The following ANKRD28 variants were observed in gnomAD, a reference collection of about 807,000 sequenced individuals.
ANKRD28 encodes the protein serine/threonine-protein phosphatase 6 regulatory ankyrin repeat subunit A.
A neutral mutation model predicts 126.5 loss-of-function variants in ANKRD28; 44 were observed. The ratio of observed to expected loss-of-function variants is 0.35; its 90% CI spans 0.27 to 0.45. The LOEUF (loss-of-function observed/expected upper bound fraction) is 0.45, where lower values mean the gene tolerates loss of function less well. ANKRD28 is among the 20% of genes least tolerant of loss of function. The pLI is 1.00. For synonymous variants in ANKRD28, 442 were observed against 468.5 expected (o/e 0.94, Z 0.73); for missense variants, 1,110 against 1,316.6 (o/e 0.84, Z 2.43).
intron 2 of ANKRD28, chr3:15,781,596 T>C (rs1353766111): frequency 6.6e-6 from 1 of 152,122 alleles, no homozygotes; most frequent in Non-Finnish European, 1.5e-5. Flanking sequence ...ATTGTAATCA[T>C]CAAATGCAAT....
chr3:15,841,672 A>G (rs2061426557), intron 1 of ANKRD28, among the ~76,000 whole-genome samples: 2 of 152,248 alleles, frequency 1.3e-5, no homozygotes, highest in South Asian at 4.1e-4. Context: ...GCAAACAGGT[A>G]CATGAAAAGG....
chr3:15,714,547 A>AACC lies in ANKRD28; in HGVS notation c.1075+30_1075+31insGGT, dbSNP rs200662705. The AACC allele has an allele frequency of 6.1e-6, 9 of 1,463,608 alleles. No individual in the cohort carries two copies. The African/African-American group carries it at 1.2e-4, about 19-fold the overall frequency. 90.7% of individuals were successfully genotyped at this position (1,463,608 alleles called of 1,614,324 possible). A position where few individuals can be genotyped will look rare whatever the true frequency, so the allele number is the denominator to read the frequency against. ...CTACATTTAAGAAAAAAAAAAAAAA[A>AACC]CCCCAAAAAAAAAACAGAAATACTT... On this transcript the variant is annotated intron_variant, in intron 9 of 27. Coordinates refer to ENST00000683139, the MANE Select transcript of ANKRD28 (RefSeq NM_001349278.2).
At chr3:15,768,655 G>A (rs1466116878) in intron 2 of ANKRD28, among the ~76,000 whole-genome samples, 1 of 151,930 alleles carries the variant, frequency 6.6e-6, no homozygotes, top group Admixed American at 6.6e-5. Context: ...TTCTCTGGCG[G>A]GGGGCGGCGG....
chr3:15,695,594 G>T (rs1037565081), intron 15 of ANKRD28, among the ~76,000 whole-genome samples: 6 of 152,066 alleles, frequency 3.9e-5, no homozygotes, highest in Non-Finnish European at 5.9e-5. Context: ...TTAACCTAAA[G>T]TATCTGTTAC....
At chr3:15,740,242 G>GGACAT (rs1443340951) in intron 4 of ANKRD28, among the ~76,000 whole-genome samples, 2 of 152,168 alleles carry the variant, frequency 1.3e-5, no homozygotes, top group Non-Finnish European at 2.9e-5. Context: ...GACTGAAAAC[G>GGACAT]GACATGAGGG....
At chr3:15,743,368 AAACAAAC>A (rs1275571075) in intron 4 of ANKRD28, among the ~76,000 whole-genome samples, 2 of 151,092 alleles carry the variant, frequency 1.3e-5, no homozygotes, top group African/African-American at 4.9e-5. Flanking sequence ...ACAAACAAAC[AAACAAAC>A]AAAAAAAAAC....
At chr3:15,762,131 A>C (rs2058489983) in intron 3 of ANKRD28, among the ~76,000 whole-genome samples, 1 of 144,630 alleles carries the variant, frequency 6.9e-6, no homozygotes. Context: ...GGTTGCAGTA[A>C]ACCGAGAGAT....
intron 14 of ANKRD28, among the ~76,000 whole-genome samples, chr3:15,701,940 TA>T (rs1177159677): frequency 3.3e-5 from 5 of 151,880 alleles, no homozygotes; most frequent in African/African-American, 4.8e-5. Context: ...CAAGGGCATT[TA>T]AAAAAAATCT....
chr3:15,707,617 C>T (rs1010219767), intron 14 of ANKRD28, among the ~76,000 whole-genome samples: 1 of 152,132 alleles, frequency 6.6e-6, no homozygotes, highest in Non-Finnish European at 1.5e-5. Context: ...CGGCTGTAGC[C>T]TCTAAGAAGT....
chr3:15,770,221 C>T (rs2058932778), intron 2 of ANKRD28, among the ~76,000 whole-genome samples: 1 of 151,946 alleles, frequency 6.6e-6, no homozygotes, highest in Admixed American at 6.5e-5. Context: ...AAACTAGTTC[C>T]AAGATGCATG....
chr3:15,705,751 C>A (rs2071266228), intron 14 of ANKRD28, among the ~76,000 whole-genome samples: 1 of 152,136 alleles, frequency 6.6e-6, no homozygotes, highest in Non-Finnish European at 1.5e-5. Flanking sequence ...CCTGTAATCC[C>A]AGCATTTTGG....
chr3:15,825,262 C>T lies in ANKRD28; in HGVS notation c.28-29956G>A, dbSNP rs558330832. ...AACTGGGAGTAAATTCATGGGCAGA[C>T]GATAGGCATGAGGTTGGAAGCAGCT... On this transcript the variant is annotated intron_variant, in intron 1 of 27. Transcript: ENST00000399451. Among the ~76,000 whole-genome samples, 17 of 152,224 alleles carry T rather than the reference C, an allele frequency of 1.1e-4. No individual in the cohort carries two copies. In the East Asian group the frequency reaches 2.1e-3, roughly 19 times the overall value.
intron 2 of ANKRD28, among the ~76,000 whole-genome samples, chr3:15,775,686 C>T (rs1405870854): frequency 6.6e-6 from 1 of 152,170 alleles, no homozygotes; most frequent in Non-Finnish European, 1.5e-5. Context: ...TACAGATGAA[C>T]AGCCAGATGA....
upstream of ANKRD28, among the ~76,000 whole-genome samples, chr3:15,802,969 A>AG (rs1318104954): frequency 4.0e-5 from 6 of 151,822 alleles, no homozygotes; most frequent in East Asian, 1.2e-3. Flanking sequence ...ATTCTCGAAT[A>AG]AAAAAAAATG....
intron 4 of ANKRD28, among the ~76,000 whole-genome samples, chr3:15,747,041 A>G (rs932218205): frequency 2.0e-5 from 3 of 152,018 alleles, no homozygotes; most frequent in African/African-American, 7.2e-5. Flanking sequence ...ATCATTTGTA[A>G]TATCTCCCAT....
chr3:15,778,711 C>CTAGA (rs2059409307), intron 2 of ANKRD28, among the ~76,000 whole-genome samples: 2 of 152,164 alleles, frequency 1.3e-5, no homozygotes, highest in South Asian at 4.1e-4. Context: ...TCTCACTTAC[C>CTAGA]TAGAGTCAGC....
chr3:15,801,341 G>A (rs573957068), upstream of ANKRD28, among the ~76,000 whole-genome samples: 1 of 152,020 alleles, frequency 6.6e-6, no homozygotes, highest in Admixed American at 6.6e-5. This position sits in a 1 kb window ranked among gnomAD's most constrained non-coding sequence, Gnocchi z 4.9. Context: ...TGACACAAAC[G>A]ATTTTTCCTT....
chr3:15,777,510 C>T (rs923618835), intron 2 of ANKRD28, among the ~76,000 whole-genome samples: 6 of 151,996 alleles, frequency 3.9e-5, no homozygotes, highest in African/African-American at 7.2e-5. Flanking sequence ...ATTTATCTTC[C>T]AAACCAATGA....
intron 2 of ANKRD28, among the ~76,000 whole-genome samples, chr3:15,772,520 G>GTA (rs1441522302): frequency 6.6e-6 from 1 of 152,024 alleles, no homozygotes; most frequent in Non-Finnish European, 1.5e-5. Flanking sequence ...TTTGAAAAGG[G>GTA]TACTACATCA....
Sources: gnomAD v4.1 joint callset for allele counts (sites outside exome capture counted in the v4.1 genomes callset) on GRCh38, gnomAD v4.1.1 for gene constraint, Gnocchi (gnomAD v3.1) non-coding constraint, MANE v1.5 for transcripts, NCBI Gene and HGNC (gene_info 2026-07-23, HGNC 2026-07-21) for gene names.